PIAS1: variants seen among roughly 807,000 people sequenced by gnomAD.
PIAS1 encodes the protein E3 SUMO-protein ligase PIAS1.
In PIAS1, 6 loss-of-function variants were observed where a neutral mutation model predicts 71.3. That is an observed-to-expected ratio of 0.08 (90% CI 0.05 to 0.17). The LOEUF (loss-of-function observed/expected upper bound fraction) is 0.17, where lower values mean the gene tolerates loss of function less well. PIAS1 is among the 10% of genes least tolerant of loss of function. PIAS1 has a pLI of 1.00. For missense variants in PIAS1, 555 were observed against 793.6 expected, an observed-to-expected ratio of 0.70 and a Z score of 3.61; for synonymous variants, 303 against 292.9, an observed-to-expected ratio of 1.03 and a Z score of -0.35.
chr15:68,139,033 G>C (rs1452179656), intron 2 of PIAS1, among the ~76,000 whole-genome samples: 1 of 152,190 alleles, frequency 6.6e-6, no homozygotes, highest in Non-Finnish European at 1.5e-5. Context: ...GGAGAAAAGT[G>C]AGAAGAAAAG....
intron 2 of PIAS1, among the ~76,000 whole-genome samples, chr15:68,139,256 C>T (rs1398104966): frequency 6.6e-6 from 1 of 152,166 alleles, no homozygotes; most frequent in Non-Finnish European, 1.5e-5. Context: ...CTCTGTTGGG[C>T]TGCAAGCATT....
At chr15:68,125,247 A>G (rs561215224) in intron 2 of PIAS1, among the ~76,000 whole-genome samples, 13 of 152,204 alleles carry the variant, frequency 8.5e-5, no homozygotes, top group Admixed American at 7.2e-4. Flanking sequence ...ATGAATGTCT[A>G]AATTCATGTG....
intron 7 of PIAS1, among the ~76,000 whole-genome samples, chr15:68,163,174 C>T (rs556387371): frequency 6.6e-5 from 10 of 152,192 alleles, no homozygotes; most frequent in African/African-American, 2.2e-4. Context: ...TTTCATATGG[C>T]GATTATTTGT....
At chr15:68,065,270 C>G (rs1176843565) in intron 1 of PIAS1, among the ~76,000 whole-genome samples, 1 of 152,060 alleles carries the variant, frequency 6.6e-6, no homozygotes, top group Non-Finnish European at 1.5e-5. Context: ...CACCTTCCCA[C>G]TCATGGTATT....
At chr15:68,140,561 A>C (rs889959681) in intron 2 of PIAS1, among the ~76,000 whole-genome samples, 20 of 152,196 alleles carry the variant, frequency 1.3e-4, no homozygotes, top group African/African-American at 4.8e-4. Context: ...CCATCCTAGA[A>C]CACATAAAGC....
chr15:68,165,897 G>T (rs2092954714), intron 8 of PIAS1, among the ~76,000 whole-genome samples: 1 of 152,114 alleles, frequency 6.6e-6, no homozygotes, highest in East Asian at 1.9e-4. Context: ...TTGTCTGATT[G>T]TTCAGACAGG....
intron 2 of PIAS1, among the ~76,000 whole-genome samples, chr15:68,120,508 T>C (rs1437853935): frequency 6.6e-6 from 1 of 152,206 alleles, no homozygotes; most frequent in Non-Finnish European, 1.5e-5. Context: ...GTTATTTTAG[T>C]GGATGCTTTA....
chr15:68,137,536 G>A (rs1373853111), intron 2 of PIAS1, among the ~76,000 whole-genome samples: 1 of 151,958 alleles, frequency 6.6e-6, no homozygotes, highest in African/African-American at 2.4e-5. Flanking sequence ...GGCTGCACTG[G>A]TAGGAGTACA....
At chr15:68,146,011 A>T in intron 5 of PIAS1, 105 bp downstream of exon 5, 1 of 727,690 alleles carries the variant, frequency 1.4e-6, no homozygotes, top group South Asian at 1.6e-5. Context: ...AAACATTTTT[A>T]TTTTGGATAT....
rs1427113343 is a variant in PIAS1, at chr15:68,192,084, C to G, written c.*4249C>G. ...CGGAAAGTACCCTCATTTATTATAT[C>G]CAGAACTTGCTCTTCCTGTGCCATC... On this transcript the variant is annotated 3_prime_UTR_variant, in exon 14 of 14. Transcript: ENST00000249636. 1 of 152,234 alleles carries G rather than the reference C, an allele frequency of 6.6e-6. No homozygotes were observed. The highest frequency in any genetic ancestry group is 6.5e-5 in the Admixed American group (1 of 15,276). 9.4% of individuals were successfully genotyped at this position (152,234 alleles called of 1,614,324 possible).
intron 2 of PIAS1, among the ~76,000 whole-genome samples, chr15:68,114,993 G>A (rs2092553554): frequency 6.6e-6 from 1 of 151,782 alleles, no homozygotes; most frequent in Non-Finnish European, 1.5e-5. Flanking sequence ...CTCATAATAG[G>A]CTCTTAATAT....
intron 2 of PIAS1, among the ~76,000 whole-genome samples, chr15:68,133,695 A>ATT (rs1313448882): frequency 0.93 from 765 of 820 alleles, 382 homozygotes; most frequent in Non-Finnish European, 1. Flanking sequence ...TTTATTTTTT[A>ATT]TTTTTTTTTT....
chr15:68,148,690 G>T (rs2141055994), intron 6 of PIAS1, among the ~76,000 whole-genome samples: 1 of 152,326 alleles, frequency 6.6e-6, no homozygotes, highest in East Asian at 1.9e-4. Context: ...GCCTCCCCAA[G>T]TGTGGGATTA....
At chr15:68,079,215 T>C (rs967972986) in intron 1 of PIAS1, among the ~76,000 whole-genome samples, 3 of 152,192 alleles carry the variant, frequency 2.0e-5, no homozygotes, top group African/African-American at 7.2e-5. Flanking sequence ...AGAATTGAAT[T>C]AATACGATGA....
intron 6 of PIAS1, 104 bp downstream of exon 6, chr15:68,146,804 G>T: frequency 2.4e-6 from 2 of 844,228 alleles, no homozygotes; most frequent in South Asian, 1.9e-5. Context: ...AGCTGCAAAA[G>T]GATTTATTTT....
chr15:68,057,098 T>C (rs148100158), intron 1 of PIAS1, among the ~76,000 whole-genome samples: 1 of 152,310 alleles, frequency 6.6e-6, no homozygotes, highest in East Asian at 1.9e-4. Context: ...TTTAAATCTA[T>C]AAGAAATGTG....
At chr15:68,168,438 C>G (rs1567073657) in intron 8 of PIAS1, among the ~76,000 whole-genome samples, 1 of 152,052 alleles carries the variant, frequency 6.6e-6, no homozygotes, top group Non-Finnish European at 1.5e-5. Flanking sequence ...TCTCTTGCAG[C>G]GTCATCAGTT....
chr15:68,161,758 C>A (rs1405584869), intron 7 of PIAS1, among the ~76,000 whole-genome samples: 1 of 151,862 alleles, frequency 6.6e-6, no homozygotes, highest in African/African-American at 2.4e-5. Flanking sequence ...TGGTGAAACC[C>A]TGTCTCTGCT....
chr15:68,089,224 C>T (rs188158146), intron 2 of PIAS1, among the ~76,000 whole-genome samples: 16 of 152,240 alleles, frequency 1.1e-4, no homozygotes, highest in South Asian at 4.1e-4. Flanking sequence ...TTCATTCTTA[C>T]GATCATTTTG....
Sources: gnomAD v4.1 joint callset for allele counts (sites outside exome capture counted in the v4.1 genomes callset) on GRCh38, gnomAD v4.1.1 for gene constraint, MANE v1.5 for transcripts, NCBI Gene and HGNC (gene_info 2026-07-23, HGNC 2026-07-21) for gene names.